Variants in SYT1 observed in about 807,000 individuals in gnomAD.
SYT1 encodes the protein synaptotagmin 1, also known as synaptotagmin-1.
SYT1 carries 8 observed loss-of-function variants against 44.8 expected under a neutral mutation model. The observed-to-expected ratio is 0.18, with a 90% CI of 0.10 to 0.32. The LOEUF (loss-of-function observed/expected upper bound fraction) is 0.32, where lower values mean the gene tolerates loss of function less well. SYT1 is among the 10% of genes least tolerant of loss of function. SYT1 has a pLI of 1.00. For missense variants in SYT1, 286 were observed against 509.3 expected (o/e 0.56, Z 4.22); for synonymous variants, 154 against 188.8 (o/e 0.82, Z 1.51).
chr12:79,101,980 C>T (rs1043501073), intron 3 of SYT1, among the ~76,000 whole-genome samples: 2 of 151,936 alleles, frequency 1.3e-5, no homozygotes, highest in African/African-American at 2.4e-5. Flanking sequence ...TTTGTTATTG[C>T]GTTCAAGACA....
At chr12:78,937,576 A>G (rs550714707) in intron 1 of SYT1, among the ~76,000 whole-genome samples, 1 of 152,252 alleles carries the variant, frequency 6.6e-6, no homozygotes, top group Non-Finnish European at 1.5e-5. Flanking sequence ...ATTCAAATGT[A>G]AGTCAAGATA....
At chr12:79,184,650 T>C (rs1316503337) in intron 3 of SYT1, among the ~76,000 whole-genome samples, 2 of 152,058 alleles carry the variant, frequency 1.3e-5, no homozygotes, top group Admixed American at 6.6e-5. Context: ...CTGTAAACTA[T>C]ATTAAGAGAT....
At chr12:79,301,666 G>A (rs1287802642) in intron 8 of SYT1, among the ~76,000 whole-genome samples, 1 of 152,014 alleles carries the variant, frequency 6.6e-6, no homozygotes, top group Non-Finnish European at 1.5e-5. Context: ...CATTTTGTGT[G>A]TTCATCTCCT....
chr12:79,179,142 A>C (rs1316167709), intron 3 of SYT1, among the ~76,000 whole-genome samples: 2 of 118,314 alleles, frequency 1.7e-5, no homozygotes, highest in African/African-American at 6.9e-5. Context: ...ATAGATATAG[A>C]TATAGATATA....
At chr12:79,149,934 G>A (rs2138254780) in intron 3 of SYT1, among the ~76,000 whole-genome samples, 1 of 152,274 alleles carries the variant, frequency 6.6e-6, no homozygotes, top group South Asian at 2.1e-4. Flanking sequence ...ACTCACTGAA[G>A]AAATAAGTAA....
intron 1 of SYT1, among the ~76,000 whole-genome samples, chr12:78,922,428 A>G (rs952596329): frequency 4.0e-5 from 6 of 151,674 alleles, no homozygotes; most frequent in African/African-American, 1.4e-4. Flanking sequence ...TTATTATATT[A>G]AATTTTAAAT....
At chr12:79,110,256 A>C (rs145034623) in intron 3 of SYT1, among the ~76,000 whole-genome samples, 196 of 151,076 alleles carry the variant, frequency 1.3e-3, no homozygotes, top group African/African-American at 4.5e-3. Flanking sequence ...ATTGATTGGA[A>C]AAAAAAAAGT....
chr12:79,345,992 C>T (rs1174763911), intron 8 of SYT1, among the ~76,000 whole-genome samples: 1 of 152,130 alleles, frequency 6.6e-6, no homozygotes, highest in Non-Finnish European at 1.5e-5. Flanking sequence ...AATCTTCTTA[C>T]AATTAACATA....
intron 4 of SYT1, among the ~76,000 whole-genome samples, chr12:79,239,181 T>A (rs950271490): frequency 2.0e-4 from 31 of 152,316 alleles, no homozygotes; most frequent in Admixed American, 2.0e-3. Context: ...GATATCTTAG[T>A]TTTCTATTGC....
chr12:78,898,525 C>G (rs1440209722), intron 1 of SYT1, among the ~76,000 whole-genome samples: 1 of 151,990 alleles, frequency 6.6e-6, no homozygotes, highest in African/African-American at 2.4e-5. Context: ...AGTTGAATGG[C>G]TTTAATCTAG....
chr12:79,214,362 T>A (rs1046432275), intron 3 of SYT1, among the ~76,000 whole-genome samples: 1 of 152,086 alleles, frequency 6.6e-6, no homozygotes, highest in African/African-American at 2.4e-5. Flanking sequence ...CCAAGGGTAT[T>A]TTATGTCTAT....
intron 6 of SYT1, among the ~76,000 whole-genome samples, chr12:79,293,617 T>A (rs1168500280): frequency 6.6e-6 from 1 of 152,140 alleles, no homozygotes; most frequent in Non-Finnish European, 1.5e-5. Flanking sequence ...CTTTGATAAC[T>A]AACATCCAAA....
chr12:79,356,564 A>G (rs1180635777), intron 9 of SYT1, among the ~76,000 whole-genome samples: 2 of 152,322 alleles, frequency 1.3e-5, no homozygotes, highest in Non-Finnish European at 2.9e-5. Flanking sequence ...TGACCTATGT[A>G]CGAGGAGACC....
At chr12:79,126,064 T>C (rs1868417507) in intron 3 of SYT1, among the ~76,000 whole-genome samples, 1 of 152,226 alleles carries the variant, frequency 6.6e-6, no homozygotes, top group South Asian at 2.1e-4. Context: ...CAATAATTAT[T>C]TCAATGGTAA....
chr12:79,233,731 T>C (rs928745159), intron 4 of SYT1, among the ~76,000 whole-genome samples: 1 of 152,256 alleles, frequency 6.6e-6, no homozygotes, highest in African/African-American at 2.4e-5. Context: ...GAATCTGTTT[T>C]GCTATTTTGC....
chr12:79,056,450 C>T (rs1016196977), intron 3 of SYT1, among the ~76,000 whole-genome samples: 3 of 151,980 alleles, frequency 2.0e-5, no homozygotes, highest in Non-Finnish European at 2.9e-5. Context: ...GAGAGTAAAG[C>T]TTGAGACATT....
Position 79,451,826 on chromosome 12 carries a change from T to A in SYT1, c.*2702T>A, listed in dbSNP as rs1247397028. On this transcript the variant is annotated 3_prime_UTR_variant, in exon 11 of 11. Coordinates refer to ENST00000261205, the MANE Select transcript of SYT1 (RefSeq NM_005639.3). ...GTAGAAATGTTGGGGTGTTTTCCTCTGCCATATGGCTCGTGGCCTGCGAGC... is the reference window on the plus strand; with the variant it reads ...GTAGAAATGTTGGGGTGTTTTCCTCAGCCATATGGCTCGTGGCCTGCGAGC... The A allele has an allele frequency of 6.6e-6, 1 of 152,208 alleles. No individual in the cohort carries two copies. Among genetic ancestry groups the A allele is most frequent in the Non-Finnish European group, 1.5e-5 (1 of 68,036 alleles). 9.4% of individuals were successfully genotyped at this position (152,208 alleles called of 1,614,324 possible).
chr12:79,279,637 A>G (rs951771136), intron 4 of SYT1, among the ~76,000 whole-genome samples: 1 of 152,250 alleles, frequency 6.6e-6, no homozygotes, highest in Admixed American at 6.5e-5. Context: ...TCAACATAGT[A>G]CTGGAGGTCT....
At chr12:79,320,359 C>T (rs1169747180) in intron 8 of SYT1, among the ~76,000 whole-genome samples, 4 of 152,170 alleles carry the variant, frequency 2.6e-5, no homozygotes, top group Non-Finnish European at 5.9e-5. Context: ...CCCAAATTAT[C>T]CTTTCTTGAA....
Sources: allele counts gnomAD v4.1 joint callset (sites outside exome capture counted in the v4.1 genomes callset), GRCh38; gene constraint gnomAD v4.1.1; transcripts MANE v1.5; gene names NCBI Gene and HGNC (gene_info 2026-07-23, HGNC 2026-07-21).